The following MYH6 variants were observed in gnomAD, a reference collection of about 807,000 sequenced individuals.
MYH6 encodes the protein myosin heavy chain 6, also known as myosin-6.
A neutral mutation model predicts 223.2 loss-of-function variants in MYH6; 126 were observed. The ratio of observed to expected loss-of-function variants is 0.56; its 90% confidence interval spans 0.49 to 0.65. The LOEUF is 0.65. Ranked by LOEUF, MYH6 falls within the 30% of genes least tolerant of loss-of-function variation. The pLI is 0.00. For synonymous variants in MYH6, 978 were observed against 1,010.2 expected (o/e 0.97, Z 0.61); for missense variants, 2,040 against 2,536.4 (o/e 0.80, Z 4.20).
chr14:23,396,587 A>G (rs1417371524), intron 19 of MYH6, 107 bp downstream of exon 19: 3 of 1,598,750 alleles, frequency 1.9e-6, no homozygotes, highest in Non-Finnish European at 1.7e-6. Context: ...AGCCCTTGAT[A>G]AGGTTGATAA....
rs970701900 is a variant in MYH6 at position 23,400,243 on chromosome 14, G to A, written c.1581+13C>T. 3 of 1,614,074 alleles carry A rather than the reference G, an allele frequency of 1.9e-6. No homozygotes were observed. The highest frequency in any genetic ancestry group is 1.7e-5 in the Admixed American group (1 of 60,014). On this transcript the variant is annotated intron_variant, in intron 14 of 38. Transcript: ENST00000405093. ...CAGAGGAGGGGGCATAGGTGGTGAGGCCAAGGAGGCACCTTCTCGATGAGG... is the reference window on the plus strand; with the variant it reads ...CAGAGGAGGGGGCATAGGTGGTGAGACCAAGGAGGCACCTTCTCGATGAGG...
Position 23,393,732 on chromosome 14 carries a change from C to T in MYH6, c.2862G>A (p.Lys954=), listed in dbSNP as rs375226438. The T allele has an allele frequency of 6.2e-7, 1 of 1,614,210 alleles. No individual in the cohort carries two copies. Among genetic ancestry groups the T allele is most frequent in the East Asian group, 2.2e-5 (1 of 44,872 alleles). The change falls in exon 22 of 39, where the codon AAG becomes AAA. Residue 954 remains lysine, a synonymous_variant. Coordinates refer to ENST00000405093, the MANE Select transcript of MYH6 (RefSeq NM_002471.4). ...KLEDECSELK[K]DIDDLELTLA... is the part of the protein sequence containing the mutation. Reference sequence around the variant, plus strand: ...GTGTCAGCTCCAGGTCATCAATGTCCTTCTTGAGCTCTGAGCACTCGTCTT... The same window carrying T: ...GTGTCAGCTCCAGGTCATCAATGTCTTTCTTGAGCTCTGAGCACTCGTCTT...
chr14:23,408,273 T>C lies in MYH6; in HGVS notation c.-67A>G. On this transcript the variant is annotated 5_prime_UTR_variant, in exon 1 of 39. Coordinates refer to ENST00000405093, the MANE Select transcript of MYH6 (RefSeq NM_002471.4). ...CTTACCTGGGCCGCAGGAGTCTCTC[T>C]ATCTGTCCTCAAAGCTCCAGTTCCT... The C allele has an allele frequency of 6.1e-6, 6 of 985,442 alleles. No individual in the cohort carries two copies. The highest frequency in any genetic ancestry group is 7.2e-6 in the Non-Finnish European group (6 of 829,924). 61.0% of individuals were successfully genotyped at this position (985,442 alleles called of 1,614,324 possible).
At chr14:23,396,216 A>G (rs762950390) in intron 20 of MYH6, 68 bp downstream of exon 20, 17 of 1,608,994 alleles carry the variant, frequency 1.1e-5, no homozygotes, top group Middle Eastern at 1.7e-4. Flanking sequence ...CTTCTGACCC[A>G]CACTAGTTGA....
chr14:23,392,159 C>A (rs1004009530), intron 25 of MYH6, among the ~76,000 whole-genome samples: 7 of 150,826 alleles, frequency 4.6e-5, no homozygotes, highest in Admixed American at 1.3e-4. Flanking sequence ...GGGTTAGTAC[C>A]GGGAAGAATA....
intron 36 of MYH6, among the ~76,000 whole-genome samples, chr14:23,384,197 A>G (rs1417170627): frequency 2.0e-5 from 3 of 152,110 alleles, no homozygotes; most frequent in African/African-American, 7.2e-5. Context: ...ATTAAAAAAA[A>G]AAAAAAAGAA....
At chr14:23,394,813 C>G (rs1891347172) in intron 20 of MYH6, among the ~76,000 whole-genome samples, 1 of 152,150 alleles carries the variant, frequency 6.6e-6, no homozygotes, top group Admixed American at 6.5e-5. Context: ...TTTTCCTTTC[C>G]TTGCTTTTTC....
Position 23,385,979 on chromosome 14 carries a change from C to A in MYH6, c.5112G>T (p.Ala1704=). 6.2e-7 allele frequency: 1 copy of A among 1,614,204 alleles called. No homozygotes were observed. Among genetic ancestry groups the A allele is most frequent in the South Asian group, 1.1e-5 (1 of 91,084 alleles). Reference sequence around the variant, plus strand: ...CGCTGGTCTCAATCAGCTCCTGCTCCGCCAGCTTCCGGGACCGCTCTGTCT... The same window carrying A: ...CGCTGGTCTCAATCAGCTCCTGCTCAGCCAGCTTCCGGGACCGCTCTGTCT... ...VEQTERSRKL[A]EQELIETSER... is the part of the protein sequence containing the mutation. The change falls in exon 34 of 39, where the codon GCG becomes GCT. Residue 1704 remains alanine, a synonymous_variant. Coordinates refer to ENST00000405093, the MANE Select transcript of MYH6 (RefSeq NM_002471.4).
intron 31 of MYH6, 41 bp from the exon 32 acceptor site, chr14:23,387,694 C>G: frequency 1.2e-6 from 2 of 1,614,108 alleles, no homozygotes; most frequent in Non-Finnish European, 1.7e-6. Context: ...CCTATGTTCC[C>G]CCTGCCCCTG....
At chr14:23,406,898 T>C (rs1416699807) in intron 3 of MYH6, 125 bp downstream of exon 3, 1 of 1,072,916 alleles carries the variant, frequency 9.3e-7, no homozygotes, top group Non-Finnish European at 1.4e-6. Context: ...AAGGAGCATG[T>C]CCTGGCATCC....
chr14:23,397,968 TTCTTCTTC>T (rs1891473577), intron 15 of MYH6, among the ~76,000 whole-genome samples: 1 of 130,654 alleles, frequency 7.7e-6, no homozygotes, highest in South Asian at 2.8e-4. Flanking sequence ...CTTCTTCTTC[TTCTTCTTC>T]TTCTTCTTCT....
In MYH6 at chr14:23,397,018, G is replaced by A. The variant is rs767124357; in HGVS notation, c.2113C>T (p.Arg705Cys). ...LRCNGVLEGI[R>C]ICRKGFPNRI... The stretch of plus-strand genomic sequence containing the variant: ...TTGGGGAAGCCCTTCCTGCAGATGC[G>A]GATGCCCTCCAGCACGCCATTGCAG... The change falls in exon 18 of 39, where the codon CGC becomes TGC. Residue 705 changes from arginine (R) to cysteine (C), a missense_variant. Arg to Cys is a radical substitution (Grantham distance 180). Transcript: ENST00000405093. 6.1e-5 allele frequency: 99 copies of A among 1,613,868 alleles called. No individual in the cohort carries two copies. Among genetic ancestry groups the A allele is most frequent in the Non-Finnish European group, 6.9e-5 (82 of 1,180,052 alleles).
In MYH6 at chr14:23,407,657, A is replaced by G; in HGVS notation, c.-46-49T>C. The G allele has an allele frequency of 9.1e-7, 1 of 1,103,930 alleles. No individual in the cohort carries two copies. Among genetic ancestry groups the G allele is most frequent in the East Asian group, 7.0e-5 (1 of 14,346 alleles). The allele number at this position is 1,103,930 out of a possible 1,614,324, so 68.4% of individuals were successfully genotyped here. On this transcript the variant is annotated intron_variant, in intron 1 of 38. Coordinates refer to ENST00000405093, the MANE Select transcript of MYH6 (RefSeq NM_002471.4). This position sits in a 1 kb window ranked among gnomAD's most constrained non-coding sequence, Gnocchi z 5.6. ...ACAACAGAGGTAGAGCCGGGCAGAG[A>G]GAAGAACAGATGAGGAGAGTGAAGA... is the stretch of plus-strand genomic sequence containing the variant.
rs763573894 is a variant in MYH6, at chr14:23,386,108, A to G, written c.4983T>C (p.Asp1661=). 4.5e-5 allele frequency: 73 copies of G among 1,614,066 alleles called. No homozygotes were observed. The highest frequency in any genetic ancestry group is 6.7e-5 in the African/African-American group (5 of 74,936). ...LLKDTQIQLD[D]AVRANDDLKE... ...TCAGGTCGTCGTTGGCACGGACCGC[A>G]TCGTCCAGCTGGATCTGGGTGTCCT... The change falls in exon 34 of 39, where the codon GAT becomes GAC. Residue 1661 remains aspartate, a synonymous_variant. Coordinates refer to ENST00000405093, the MANE Select transcript of MYH6 (RefSeq NM_002471.4).
At chr14:23,388,500 C>A in intron 29 of MYH6, 162 bp from the exon 30 acceptor site, 1 of 1,224,914 alleles carries the variant, frequency 8.2e-7, no homozygotes. Flanking sequence ...TCCGCCAGCA[C>A]GGGCTGCCCA....
At position 23,408,093 on chromosome 14, in the gene MYH6, C is replaced by A. The variant is rs925152688; in HGVS notation, c.-47+160G>T. ...GTTTCTGGGTTTCCTGTGGAACCTC[C>A]TTGTGTCAGGGGGAACTTCCCTGGG... On this transcript the variant is annotated intron_variant, in intron 1 of 38. Coordinates refer to ENST00000405093, the MANE Select transcript of MYH6 (RefSeq NM_002471.4). Among the ~76,000 whole-genome samples, 3 of 152,090 alleles carry A rather than the reference C, an allele frequency of 2.0e-5. No individual in the cohort carries two copies. The East Asian group carries it at 5.8e-4, about 29-fold the overall frequency.
intron 6 of MYH6, 104 bp downstream of exon 6, chr14:23,404,996 T>A: frequency 6.4e-7 from 1 of 1,570,590 alleles, no homozygotes; most frequent in Non-Finnish European, 8.7e-7. Context: ...TGCCCCATGC[T>A]CCCTGCAATC....
rs745594593 is a variant in MYH6, at chr14:23,387,590, T to A, written c.4589A>T (p.Lys1530Met). The change falls in exon 32 of 39, where the codon AAG becomes ATG. Residue 1530 changes from lysine to methionine, a missense_variant. Transcript: ENST00000405093. Reference protein sequence around the residue: ...EGGKNVHELEKVRKQLEVEKL... With the variant: ...EGGKNVHELEMVRKQLEVEKL... ...CTCCACCTCCAGCTGTTTGCGGACC[T>A]TCTCCAGCTCATGCACATTCTTTCC... 4 of 1,614,110 alleles carry A rather than the reference T, an allele frequency of 2.5e-6. 1 individual carries two copies. The South Asian group carries it at 4.4e-5, about 18-fold the overall frequency.
Position 23,388,289 on chromosome 14 carries a change from C to T in MYH6, c.4225G>A (p.Val1409Ile). 4 of 1,613,310 alleles carry T rather than the reference C, an allele frequency of 2.5e-6. No individual in the cohort carries two copies. Among genetic ancestry groups the T allele is most frequent in the Non-Finnish European group, 3.4e-6 (4 of 1,180,030 alleles). ...TCCAGTGAGGAGCACTTGGCATTAACAGCCTCCACGGCCTCCTCGGCATCC... is the reference window on the plus strand; with the variant it reads ...TCCAGTGAGGAGCACTTGGCATTAATAGCCTCCACGGCCTCCTCGGCATCC... ...LQDAEEAVEA[V>I]NAKCSSLEKT... Residue 1409 changes from valine (V) to isoleucine (I), a missense_variant, in exon 30 of 39, where the codon GTT becomes ATT. Physicochemically the swap from Val to Ile is conservative, Grantham distance 29. Coordinates refer to ENST00000405093, the MANE Select transcript of MYH6 (RefSeq NM_002471.4).
Sources: allele counts gnomAD v4.1 joint callset (sites outside exome capture counted in the v4.1 genomes callset), GRCh38; gene constraint gnomAD v4.1.1; non-coding constraint Gnocchi (gnomAD v3.1); transcripts MANE v1.5; gene names NCBI Gene and HGNC (gene_info 2026-07-23, HGNC 2026-07-21).